The following SYTL3 variants were observed in gnomAD, a reference collection of about 807,000 sequenced individuals.
The protein encoded by SYTL3 is synaptotagmin like 3, also known as synaptotagmin-like protein 3.
SYTL3 carries 88 observed loss-of-function variants against 82.1 expected under a neutral mutation model. That is an observed-to-expected ratio of 1.07 (90% CI 0.90 to 1.28). The LOEUF (loss-of-function observed/expected upper bound fraction) is 1.28. Among genes scored for constraint, SYTL3 ranks in the 50% most tolerant of loss-of-function variants. SYTL3 has a pLI of 0.00. For synonymous variants in SYTL3, 311 were observed against 289.4 expected (o/e 1.07, Z -0.76); for missense variants, 831 against 757.6 (o/e 1.10, Z -1.14).
chr6:158,745,503 C>T lies in SYTL3; in HGVS notation c.879C>T (p.Ser293=), dbSNP rs1315765279. The change falls in exon 12 of 18, where the codon AGC becomes AGT. Residue 293 remains serine, a synonymous_variant. Transcript: ENST00000611299. ...AGGGAAGTTTAATTAGCATTGACAG[C>T]ACCTGTACAGAGATGGGCAATTTTG... ...FRHGSLISID[S]TCTEMGNFDN... is the part of the protein sequence containing the mutation. 1.9e-6 allele frequency: 3 copies of T among 1,611,306 alleles called. No homozygotes were observed. Among genetic ancestry groups the T allele is most frequent in the East Asian group, 2.2e-5 (1 of 44,810 alleles).
chr6:158,715,599 T>TCACACACACACACACG (rs1783279546), intron 9 of SYTL3, among the ~76,000 whole-genome samples: 1 of 116,442 alleles, frequency 8.6e-6, no homozygotes, highest in African/African-American at 3.6e-5. Context: ...TGAAACCGCA[T>TCACACACACACACACG]CACACACACA....
At chr6:158,761,678 A>G (rs1789994006) in intron 15 of SYTL3, among the ~76,000 whole-genome samples, 1 of 152,142 alleles carries the variant, frequency 6.6e-6, no homozygotes, top group Admixed American at 6.5e-5. Flanking sequence ...CTGCTACCCA[A>G]GTTCACGGGG....
chr6:158,711,370 A>T (rs1290283623), intron 8 of SYTL3, among the ~76,000 whole-genome samples: 1 of 152,192 alleles, frequency 6.6e-6, no homozygotes, highest in Non-Finnish European at 1.5e-5. Context: ...AGCCAATAGG[A>T]TATGTATATA....
chr6:158,708,476 G>A (rs998357931), intron 8 of SYTL3, 85 bp downstream of exon 8: 26 of 1,344,150 alleles, frequency 1.9e-5, no homozygotes, highest in African/African-American at 4.3e-5. Context: ...GGCTGAGGCC[G>A]GGCACGGAAC....
chr6:158,707,740 G>T (rs7758665), intron 7 of SYTL3, among the ~76,000 whole-genome samples: 31,935 of 152,120 alleles, frequency 0.21, 3,603 homozygotes, highest in Non-Finnish European at 0.25. Context: ...TAAAAACTGA[G>T]CAGTCATGAA....
chr6:158,717,999 G>A (rs978781576), intron 9 of SYTL3, 88 bp from the exon 10 acceptor site: 1 of 1,318,504 alleles, frequency 7.6e-7, no homozygotes, highest in Admixed American at 3.0e-5. Flanking sequence ...CCCACTGTCT[G>A]TGGGTTCAGT....
chr6:158,758,958 C>T (rs143853759), intron 14 of SYTL3, among the ~76,000 whole-genome samples: 1 of 152,190 alleles, frequency 6.6e-6, no homozygotes, highest in Non-Finnish European at 1.5e-5. Context: ...CCATGCCTTC[C>T]GTGCCTTCCT....
chr6:158,705,907 A>C (rs1354639255), intron 6 of SYTL3, among the ~76,000 whole-genome samples: 1 of 152,100 alleles, frequency 6.6e-6, no homozygotes, highest in Non-Finnish European at 1.5e-5. Flanking sequence ...GATGGGCAGG[A>C]TGAGCAGCGT....
At position 158,745,592 on chromosome 6, in the gene SYTL3, T is replaced by C. The variant is rs761587574; in HGVS notation, c.968T>C (p.Leu323Ser). The change falls in exon 12 of 18, where the codon TTA (leucine) becomes TCA (serine). Residue 323 changes from leucine (L) to serine (S), a missense_variant. Coordinates refer to ENST00000611299, the MANE Select transcript of SYTL3 (RefSeq NM_001242394.2). ...AIHYCFKTHS[L>S]EICIKACKNL... ...CATTATTGCTTCAAAACCCATTCTTTAGAAATATGCATCAAGGCCTGTAAG... is the reference window on the plus strand; with the variant it reads ...CATTATTGCTTCAAAACCCATTCTTCAGAAATATGCATCAAGGCCTGTAAG... 4 of 1,613,768 alleles carry C rather than the reference T, an allele frequency of 2.5e-6. No homozygotes were observed. Among genetic ancestry groups the C allele is most frequent in the East Asian group, 2.2e-5 (1 of 44,844 alleles).
Position 158,699,607 on chromosome 6 carries a change from T to C in SYTL3, c.395-7623T>C, listed in dbSNP as rs111630747. ...CCTCACAGTGCTGTGAGCCCTGCTG[T>C]GGGTAGAGGTTGTGACTCACTTATT... On this transcript the variant is annotated intron_variant, in intron 6 of 17. Coordinates refer to ENST00000611299, the MANE Select transcript of SYTL3 (RefSeq NM_001242394.2). Among the ~76,000 whole-genome samples, 342 of 152,250 alleles carry C rather than the reference T, an allele frequency of 2.2e-3. 1 individual carries two copies. The highest frequency in any genetic ancestry group is 3.5e-3 in the South Asian group (17 of 4,816).
At chr6:158,737,467 A>T (rs1163133671) in intron 11 of SYTL3, among the ~76,000 whole-genome samples, 1 of 152,246 alleles carries the variant, frequency 6.6e-6, no homozygotes, top group Non-Finnish European at 1.5e-5. Context: ...CTTAGCTTGC[A>T]GTTACAGGAG....
At chr6:158,711,257 G>A (rs145296638) in intron 8 of SYTL3, among the ~76,000 whole-genome samples, 2 of 152,262 alleles carry the variant, frequency 1.3e-5, no homozygotes, top group African/African-American at 4.8e-5. Flanking sequence ...TGAAGGAACC[G>A]TTTCACAGAT....
chr6:158,748,069 T>A (rs1787892001), intron 12 of SYTL3, among the ~76,000 whole-genome samples: 1 of 141,474 alleles, frequency 7.1e-6, no homozygotes. Context: ...GGTTTCTTCT[T>A]ATCGTTTTTT....
chr6:158,664,382 T>C (rs1352280711), intron 4 of SYTL3, among the ~76,000 whole-genome samples: 1 of 152,062 alleles, frequency 6.6e-6, no homozygotes. Flanking sequence ...CTGTCTCTAC[T>C]AAAAATACAA....
At chr6:158,740,684 T>C (rs1365738474) in intron 11 of SYTL3, among the ~76,000 whole-genome samples, 2 of 152,180 alleles carry the variant, frequency 1.3e-5, no homozygotes, top group Non-Finnish European at 2.9e-5. Flanking sequence ...GTGGCAATTT[T>C]TTACTGAATG....
intron 13 of SYTL3, 22 bp from the exon 14 acceptor site, chr6:158,757,189 C>CATCT: frequency 6.2e-7 from 1 of 1,601,212 alleles, no homozygotes; most frequent in Non-Finnish European, 8.5e-7. Flanking sequence ...CCCAGCTGAC[C>CATCT]ATCTCTTCCT....
At chr6:158,709,007 T>A (rs1231789122) in intron 8 of SYTL3, among the ~76,000 whole-genome samples, 2 of 152,036 alleles carry the variant, frequency 1.3e-5, no homozygotes, top group Non-Finnish European at 2.9e-5. Flanking sequence ...GAGGCCGAGG[T>A]GGGTCACTTG....
chr6:158,724,586 C>A (rs1784488701), intron 10 of SYTL3, among the ~76,000 whole-genome samples: 1 of 152,246 alleles, frequency 6.6e-6, no homozygotes, highest in African/African-American at 2.4e-5. Flanking sequence ...ATGCCCAGGG[C>A]TGCATGTGGC....
chr6:158,699,536 C>T (rs767461952), intron 6 of SYTL3, among the ~76,000 whole-genome samples: 15 of 152,144 alleles, frequency 9.9e-5, no homozygotes, highest in East Asian at 7.7e-4. Context: ...GAGCCACACG[C>T]GGCGGATCTT....
Sources: allele counts gnomAD v4.1 joint callset (sites outside exome capture counted in the v4.1 genomes callset), GRCh38; gene constraint gnomAD v4.1.1; transcripts MANE v1.5; gene names NCBI Gene and HGNC (gene_info 2026-07-23, HGNC 2026-07-21).